The following TAB1 variants were observed in gnomAD, a reference collection of about 807,000 sequenced individuals.
TAB1 encodes the protein TGF-beta-activated kinase 1 and MAP3K7-binding protein 1.
TAB1 carries 30 observed loss-of-function variants against 54.5 expected under a neutral mutation model. That is an observed-to-expected ratio of 0.55 (90% CI 0.41 to 0.75). The LOEUF is 0.75. Among genes scored for constraint, TAB1 ranks in the 30% least tolerant of loss-of-function variants. TAB1 has a pLI of 0.00. For missense variants in TAB1, 609 were observed against 683.2 expected (o/e 0.89, Z 1.21); for synonymous variants, 289 against 286.9 (o/e 1.01, Z -0.07).
rs1302760904 is a variant in TAB1, at chr22:39,430,107, C to A, written c.1400C>A (p.Ala467Asp). The A allele has an allele frequency of 6.2e-7, 1 of 1,614,072 alleles. No individual in the cohort carries two copies. Among genetic ancestry groups the A allele is most frequent in the East Asian group, 2.2e-5 (1 of 44,886 alleles). ...GGAGGCCTCTTCCGCTCCCGGCCCG[C>A]CCACTCGCTCCCGCCTGGCGAGGAC... ...SDGGLFRSRP[A>D]HSLPPGEDGR... is the part of the protein sequence containing the mutation. The change falls in exon 11 of 11, where the codon GCC becomes GAC. Residue 467 changes from alanine to aspartate, a missense_variant. Physicochemically the swap from Ala to Asp is moderately radical, Grantham distance 126. Coordinates refer to ENST00000216160, the MANE Select transcript of TAB1 (RefSeq NM_006116.3).
chr22:39,403,151 C>T (rs1926217627), intron 1 of TAB1, among the ~76,000 whole-genome samples: 1 of 152,272 alleles, frequency 6.6e-6, no homozygotes, highest in African/African-American at 2.4e-5. Context: ...AGGCACCCTG[C>T]AGGTGCAGGA....
At chr22:39,414,762 C>T in intron 1 of TAB1, 1 of 511,958 alleles carries the variant, frequency 2.0e-6, no homozygotes, top group South Asian at 2.3e-5. Context: ...CATTGCTGCG[C>T]CTTACATTTG....
At position 39,418,856 on chromosome 22, in the gene TAB1, A is replaced by G. The variant is rs1926948854; in HGVS notation, c.664+11A>G. The G allele has an allele frequency of 6.2e-7, 1 of 1,606,216 alleles. No homozygotes were observed. Among genetic ancestry groups the G allele is most frequent in the Non-Finnish European group, 8.5e-7 (1 of 1,173,168 alleles). On this transcript the variant is annotated intron_variant, in intron 6 of 10. Transcript: ENST00000216160. ...GTCTTTCGCAGCTGGGTGAGTGGGGAGAGTGGGAGCGGAAGCTGATCCCCA... is the reference window on the plus strand; with the variant it reads ...GTCTTTCGCAGCTGGGTGAGTGGGGGGAGTGGGAGCGGAAGCTGATCCCCA...
At chr22:39,402,141 A>G (rs955676131) in intron 1 of TAB1, among the ~76,000 whole-genome samples, 1 of 152,040 alleles carries the variant, frequency 6.6e-6, no homozygotes, top group Non-Finnish European at 1.5e-5. Flanking sequence ...GGGCCATTCC[A>G]GGAGGATGTG....
chr22:39,402,611 G>A (rs1031558994), intron 1 of TAB1, among the ~76,000 whole-genome samples: 17 of 152,130 alleles, frequency 1.1e-4, no homozygotes, highest in Admixed American at 4.6e-4. Flanking sequence ...GGAGTGAAGC[G>A]GTGTGATCTC....
At chr22:39,429,731 C>T in intron 10 of TAB1, 8 of 749,268 alleles carry the variant, frequency 1.1e-5, no homozygotes, top group Non-Finnish European at 1.3e-5. Context: ...ATCCACCCGT[C>T]TTGGCCTCCC....
intron 6 of TAB1, 148 bp downstream of exon 6, chr22:39,418,993 G>A (rs560071904): frequency 4.2e-5 from 28 of 661,176 alleles, no homozygotes; most frequent in Admixed American, 1.2e-4. Flanking sequence ...CAGCACTGCC[G>A]CTTACTGGTT....
chr22:39,404,894 T>C lies in TAB1; in HGVS notation c.33+5059T>C, dbSNP rs540534073. 2.0e-5 allele frequency among the ~76,000 whole-genome samples: 3 copies of C among 152,304 alleles called. No homozygotes were observed. The East Asian group carries it at 5.8e-4, about 29-fold the overall frequency. On this transcript the variant is annotated intron_variant, in intron 1 of 10. Transcript: ENST00000216160. ...GTGGGGGCCAGGAGTGGAGCTGGTC[T>C]CAGAGAAGTGGGTCATCCGGAAGGT...
chr22:39,417,849 G>A lies in TAB1; in HGVS notation c.550G>A (p.Gly184Ser), dbSNP rs764897676. The A allele has an allele frequency of 9.4e-6, 15 of 1,603,210 alleles. No individual in the cohort carries two copies. Among genetic ancestry groups the A allele is most frequent in the African/African-American group, 1.3e-5 (1 of 74,584 alleles). Residue 184 changes from glycine to serine, a missense_variant and splice_region_variant, in exon 5 of 11, where the codon GGT (glycine) becomes AGT (serine). Transcript: ENST00000216160. ...CAACAAGCTCTACGTCGCCAATGTCGGTGAGCCCCCTCCTGTCCCAGGGCA... is the reference window on the plus strand; with the variant it reads ...CAACAAGCTCTACGTCGCCAATGTCAGTGAGCCCCCTCCTGTCCCAGGGCA... The part of the protein sequence containing the change: ...LNNKLYVANV[G>S]TNRALLCKST...
Position 39,415,221 on chromosome 22 carries a change from T to A in TAB1, c.170+79T>A. Reference sequence around the variant, plus strand: ...CAAGGAAAGACACCGACCTTGCAGCTTTCTCGTATGGGCTTGCCAGTGACA... The same window carrying A: ...CAAGGAAAGACACCGACCTTGCAGCATTCTCGTATGGGCTTGCCAGTGACA... On this transcript the variant is annotated intron_variant, in intron 2 of 10. Coordinates refer to ENST00000216160, the MANE Select transcript of TAB1 (RefSeq NM_006116.3). The surrounding 1 kb of genome is among the most constrained non-coding windows in gnomAD (Gnocchi z 4.9). 1.3e-6 allele frequency: 2 copies of A among 1,491,534 alleles called. No homozygotes were observed. The highest frequency in any genetic ancestry group is 1.3e-5 in the South Asian group (1 of 75,550). 92.4% of individuals were successfully genotyped at this position (1,491,534 alleles called of 1,614,324 possible). A position where few individuals can be genotyped will look rare whatever the true frequency, so the allele number is the denominator to read the frequency against.
chr22:39,417,935 A>T, intron 5 of TAB1, 86 bp downstream of exon 5: 1 of 1,499,198 alleles, frequency 6.7e-7, no homozygotes. Context: ...TCTGCTTTCC[A>T]GACACTTCAC....
intron 10 of TAB1, among the ~76,000 whole-genome samples, chr22:39,428,536 C>T (rs1398829315): frequency 2.0e-5 from 3 of 152,166 alleles, no homozygotes; most frequent in East Asian, 3.9e-4. Flanking sequence ...CTTGTCAGAG[C>T]CCATGCTTTC....
Position 39,419,547 on chromosome 22 carries a change from G to A in TAB1, c.693G>A (p.Val231=), listed in dbSNP as rs1926981103. Residue 231 remains valine (V), a synonymous_variant, in exon 7 of 11, where the codon GTG becomes GTA. Transcript: ENST00000216160. ...LGLDAGKIKQ[V]GIICGQESTR... ...TGGATGCTGGAAAGATCAAGCAGGT[G>A]GGGATCATCTGTGGGCAGGAGAGCA... The A allele has an allele frequency of 1.9e-6, 3 of 1,612,654 alleles. No individual in the cohort carries two copies. The highest frequency in any genetic ancestry group is 2.5e-6 in the Non-Finnish European group (3 of 1,179,022).
intron 4 of TAB1, among the ~76,000 whole-genome samples, chr22:39,417,139 C>G (rs1384450989): frequency 1.3e-5 from 2 of 152,222 alleles, no homozygotes; most frequent in Non-Finnish European, 2.9e-5. Flanking sequence ...TGAATGGGTC[C>G]CCGCCCTTGT....
Position 39,431,568 on chromosome 22 carries a change from T to G in TAB1, c.*1346T>G. 3 of 985,438 alleles carry G rather than the reference T, an allele frequency of 3.0e-6. No individual in the cohort carries two copies. Among genetic ancestry groups the G allele is most frequent in the Non-Finnish European group, 3.6e-6 (3 of 829,960 alleles). 61.0% of individuals were successfully genotyped at this position (985,438 alleles called of 1,614,324 possible). A position where few individuals can be genotyped will look rare whatever the true frequency, so the allele number is the denominator to read the frequency against. On this transcript the variant is annotated 3_prime_UTR_variant, in exon 11 of 11. Transcript: ENST00000216160. The stretch of plus-strand genomic sequence containing the variant: ...TCTGCGAAGTCAAAGGCCTGACAGC[T>G]CTGTGGCCTGGGAATCCATTTTCCT...
chr22:39,421,896 G>C lies in TAB1; in HGVS notation c.846G>C (p.Thr282=). Residue 282 remains threonine (T), a synonymous_variant, in exon 8 of 11, where the codon ACG becomes ACC. Coordinates refer to ENST00000216160, the MANE Select transcript of TAB1 (RefSeq NM_006116.3). ...IHGAQPLDGV[T]GFLVLMSEGL... is the part of the protein sequence containing the mutation. Reference sequence around the variant, plus strand: ...GGGCACAGCCGCTGGATGGGGTGACGGGCTTCTTGGTGCTGATGTCGGAGG... The same window carrying C: ...GGGCACAGCCGCTGGATGGGGTGACCGGCTTCTTGGTGCTGATGTCGGAGG... 4 of 1,613,602 alleles carry C rather than the reference G, an allele frequency of 2.5e-6. No individual in the cohort carries two copies. The highest frequency in any genetic ancestry group is 3.4e-6 in the Non-Finnish European group (4 of 1,179,770).
At position 39,430,580 on chromosome 22, in the gene TAB1, G is replaced by A. The variant is rs913769847; in HGVS notation, c.*358G>A. On this transcript the variant is annotated 3_prime_UTR_variant, in exon 11 of 11. Transcript: ENST00000216160. ...GGAAGAGGCGCCCTGTGAACCCTGA[G>A]TGTTGCAGGCCCAGCAGACCCTGCT... 7.8e-6 allele frequency: 9 copies of A among 1,156,966 alleles called. No homozygotes were observed. The highest frequency in any genetic ancestry group is 9.7e-6 in the Non-Finnish European group (9 of 927,596). 71.7% of individuals were successfully genotyped at this position (1,156,966 alleles called of 1,614,324 possible). A position where few individuals can be genotyped will look rare whatever the true frequency, so the allele number is the denominator to read the frequency against.
chr22:39,414,602 C>T, intron 1 of TAB1: 1 of 192,062 alleles, frequency 5.2e-6, no homozygotes, highest in South Asian at 7.8e-5. Flanking sequence ...CTGCAGCCTG[C>T]AGTGTTGGTA....
rs181356018 is a variant in TAB1 at position 39,419,646 on chromosome 22, G to A, written c.776+16G>A. The A allele has an allele frequency of 1.3e-4, 204 of 1,570,256 alleles. 1 individual carries two copies. The East Asian group carries it at 4.6e-3, about 35-fold the overall frequency. On this transcript the variant is annotated intron_variant, in intron 7 of 10. Transcript: ENST00000216160. Reference sequence around the variant, plus strand: ...ACCTTCTCAGGTAGGTGCCAGCCCAGCTGTCCCCTGTGCTTGAAAGAACAG... The same window carrying A: ...ACCTTCTCAGGTAGGTGCCAGCCCAACTGTCCCCTGTGCTTGAAAGAACAG...
Sources: gnomAD v4.1 joint callset for allele counts (sites outside exome capture counted in the v4.1 genomes callset) on GRCh38, gnomAD v4.1.1 for gene constraint, Gnocchi (gnomAD v3.1) non-coding constraint, MANE v1.5 for transcripts, NCBI Gene and HGNC (gene_info 2026-07-23, HGNC 2026-07-21) for gene names.